Variants in GLIS3 observed in about 807,000 individuals in gnomAD.
GLIS3 encodes GLIS family zinc finger 3.
In GLIS3, 53 loss-of-function variants were observed where a neutral mutation model predicts 78.6. The observed-to-expected ratio is 0.67, with a 90% CI of 0.54 to 0.85. The LOEUF is 0.85. GLIS3 is among the 40% of genes least tolerant of loss of function. The probability of loss-of-function intolerance (pLI) is 0.00; values close to 1 mark genes in which losing one functional copy is unlikely to be tolerated. For missense variants in GLIS3, 1,703 were observed against 1,231.1 expected (o/e 1.38, Z -5.74); for synonymous variants, 684 against 509.9 (o/e 1.34, Z -4.60).
At chr9:4,193,849 T>C (rs1285403812) in intron 2 of GLIS3, among the ~76,000 whole-genome samples, 1 of 152,190 alleles carries the variant, frequency 6.6e-6, no homozygotes, top group Non-Finnish European at 1.5e-5. Flanking sequence ...CTAAAATCAA[T>C]AAGTCACTTT....
At chr9:4,035,059 A>G (rs1002117130) in intron 4 of GLIS3, 5 of 152,204 alleles carry the variant, frequency 3.3e-5, no homozygotes, top group African/African-American at 1.2e-4. Context: ...ATGAGACAAT[A>G]AAGCAGAAAC....
the GLIS3 span, among the ~76,000 whole-genome samples, chr9:4,388,848 C>A: frequency 6.6e-6 from 1 of 152,042 alleles, no homozygotes; most frequent in African/African-American, 2.4e-5. Context: ...TTCCAAATGA[C>A]ATTAGATAGC....
chr9:4,128,589 T>G (rs1024868240), intron 2 of GLIS3, among the ~76,000 whole-genome samples: 1 of 152,206 alleles, frequency 6.6e-6, no homozygotes. Flanking sequence ...TGATATACAG[T>G]ACCATTTTTC....
At chr9:4,408,701 T>C in the GLIS3 span, among the ~76,000 whole-genome samples, 1 of 106,278 alleles carries the variant, frequency 9.4e-6, no homozygotes, top group African/African-American at 4.3e-5. Flanking sequence ...CACTCCAGCC[T>C]GGGCAACAGA....
At chr9:3,947,973 A>C (rs1465209905) in intron 4 of GLIS3, among the ~76,000 whole-genome samples, 1 of 152,242 alleles carries the variant, frequency 6.6e-6, no homozygotes, top group Non-Finnish European at 1.5e-5. Flanking sequence ...TGCCTAAAAA[A>C]GAAAGAGATA....
chr9:4,369,296 C>G, the GLIS3 span, among the ~76,000 whole-genome samples: 2 of 152,162 alleles, frequency 1.3e-5, no homozygotes, highest in Non-Finnish European at 2.9e-5. Context: ...TAATTCTTTT[C>G]TGGATATGAG....
At chr9:4,033,539 T>C (rs781129419) in intron 4 of GLIS3, among the ~76,000 whole-genome samples, 10 of 152,200 alleles carry the variant, frequency 6.6e-5, no homozygotes, top group Non-Finnish European at 1.5e-4. Context: ...AGGGCCAGAA[T>C]AGGGCCCTTC....
At chr9:4,023,655 G>C (rs1823068699) in intron 4 of GLIS3, among the ~76,000 whole-genome samples, 2 of 152,202 alleles carry the variant, frequency 1.3e-5, no homozygotes, top group African/African-American at 4.8e-5. Context: ...TTTTCTACAA[G>C]ACAAAGGATA....
At chr9:4,464,586 G>A in the GLIS3 span, among the ~76,000 whole-genome samples, 3 of 151,856 alleles carry the variant, frequency 2.0e-5, no homozygotes, top group East Asian at 5.8e-4. Context: ...GTAGAGGCGG[G>A]ATTTCACCAT....
At chr9:3,830,567 A>C (rs1817986857) in intron 9 of GLIS3, among the ~76,000 whole-genome samples, 1 of 152,204 alleles carries the variant, frequency 6.6e-6, no homozygotes, top group Non-Finnish European at 1.5e-5. Context: ...GCACTTTATA[A>C]GTGTCAGTTA....
chr9:3,999,167 A>G (rs1162560308), intron 4 of GLIS3, among the ~76,000 whole-genome samples: 1 of 152,188 alleles, frequency 6.6e-6, no homozygotes. Flanking sequence ...TGCCATGGTA[A>G]TTGAACCAAT....
the GLIS3 span, among the ~76,000 whole-genome samples, chr9:4,463,328 A>G: frequency 6.6e-6 from 1 of 152,192 alleles, no homozygotes; most frequent in Non-Finnish European, 1.5e-5. Context: ...GAAAAAGGGG[A>G]AAGAGAGAAA....
At chr9:3,963,401 C>T (rs959320707) in intron 4 of GLIS3, among the ~76,000 whole-genome samples, 1 of 152,194 alleles carries the variant, frequency 6.6e-6, no homozygotes. Flanking sequence ...ATCACTGGCC[C>T]TGCTGGAGAT....
At chr9:4,228,542 T>C (rs1821981398) in intron 2 of GLIS3, among the ~76,000 whole-genome samples, 1 of 152,210 alleles carries the variant, frequency 6.6e-6, no homozygotes, top group Admixed American at 6.5e-5. Context: ...ACTAAGTGTC[T>C]GGTCTCATTA....
intron 4 of GLIS3, among the ~76,000 whole-genome samples, chr9:4,021,119 T>G (rs1194706729): frequency 1.3e-5 from 2 of 152,134 alleles, no homozygotes; most frequent in African/African-American, 4.8e-5. Flanking sequence ...TACTACATCA[T>G]ACAAAGTGTA....
intron 2 of GLIS3, among the ~76,000 whole-genome samples, chr9:4,336,327 G>C (rs1817756788): frequency 6.6e-6 from 1 of 152,076 alleles, no homozygotes; most frequent in African/African-American, 2.4e-5. Context: ...TATCCACTAA[G>C]CCCCTGGTGC....
chr9:3,968,889 T>G (rs1331117300), intron 4 of GLIS3, among the ~76,000 whole-genome samples: 1 of 152,230 alleles, frequency 6.6e-6, no homozygotes, highest in Non-Finnish European at 1.5e-5. Context: ...GACTGGACTG[T>G]CTGGGTAAAG....
At position 3,879,492 on chromosome 9, in the gene GLIS3, C is replaced by T. The variant is rs747036942; in HGVS notation, c.2232G>A (p.Gln744=). Residue 744 remains glutamine (Q), a synonymous_variant, in exon 8 of 11, where the codon CAG becomes CAA. Transcript: ENST00000381971. Reference sequence around the variant, plus strand: ...GGGAGGAGGGGTTGTGAGGGCTCCCCTGTACATTATGTCCTGGAGAAGGGT... The same window carrying T: ...GGGAGGAGGGGTTGTGAGGGCTCCCTTGTACATTATGTCCTGGAGAAGGGT... ...VSHPSPGHNV[Q]GSPHNPSSQL... 1 of 1,614,082 alleles carries T rather than the reference C, an allele frequency of 6.2e-7. No homozygotes were observed. The highest frequency in any genetic ancestry group is 8.5e-7 in the Non-Finnish European group (1 of 1,180,000).
chr9:4,162,449 C>G (rs918869338), intron 2 of GLIS3, among the ~76,000 whole-genome samples: 1 of 152,082 alleles, frequency 6.6e-6, no homozygotes, highest in Non-Finnish European at 1.5e-5. Context: ...CATTTGCAGA[C>G]AAAATAATTA....
Sources: allele counts gnomAD v4.1 joint callset (sites outside exome capture counted in the v4.1 genomes callset), GRCh38; gene constraint gnomAD v4.1.1; transcripts MANE v1.5; gene names NCBI Gene and HGNC (gene_info 2026-07-23, HGNC 2026-07-21).